BCORL1: variants seen among roughly 807,000 people sequenced by gnomAD.
BCORL1 encodes BCL6 corepressor like 1, also known as BCL-6 corepressor-like protein 1.
BCORL1 carries 7 observed loss-of-function variants against 87.6 expected under a neutral mutation model. The ratio of observed to expected loss-of-function variants is 0.08; its 90% CI spans 0.05 to 0.15. The LOEUF (loss-of-function observed/expected upper bound fraction) is 0.15, where lower values mean the gene tolerates loss of function less well. Ranked by LOEUF, BCORL1 falls within the 10% of genes least tolerant of loss-of-function variation. BCORL1 has a pLI of 1.00. For missense variants in BCORL1, 1,215 were observed against 1,499.7 expected (o/e 0.81, Z 3.13); for synonymous variants, 591 against 634.4 (o/e 0.93, Z 1.03).
chrX:129,997,467 C>T (rs1027609834), intron 1 of BCORL1, among the ~76,000 whole-genome samples: 1 of 111,123 alleles, frequency 9.0e-6, no homozygotes, highest in Non-Finnish European at 1.9e-5. Flanking sequence ...ACTACCCGCT[C>T]GCCCTCAGCT....
At chrX:129,990,476 C>T (rs1927041594) in intron 1 of BCORL1, among the ~76,000 whole-genome samples, 1 of 111,403 alleles carries the variant, frequency 9.0e-6, no homozygotes, top group African/African-American at 3.3e-5. Context: ...CGTGATCCGC[C>T]CGCCTTGGCC....
At chrX:130,044,895 C>T (rs1412140865) in intron 11 of BCORL1, among the ~76,000 whole-genome samples, 1 of 112,704 alleles carries the variant, frequency 8.9e-6, no homozygotes, top group East Asian at 2.8e-4. Context: ...ATAGATAATT[C>T]ATCTGGGTTG....
chrX:130,014,830 C>G lies in BCORL1; in HGVS notation c.2058C>G (p.Pro686=). The change falls in exon 4 of 14, where the codon CCC becomes CCG. Residue 686 remains proline (P), a synonymous_variant. Coordinates refer to ENST00000540052, the MANE Select transcript of BCORL1 (RefSeq NM_001379451.1). The stretch of plus-strand genomic sequence containing the variant: ...CCTGCCTGGGCTCCACTTCCTCGCC[C>G]TTTGTCATCTTTCCCGAGATCGTGA... The part of the protein sequence containing the change: ...VTSCLGSTSS[P]FVIFPEIVRN... The G allele has an allele frequency of 8.3e-7, 1 of 1,211,571 alleles. No homozygotes were observed. The highest frequency in any genetic ancestry group is 1.8e-5 in the South Asian group (1 of 56,972).
At chrX:130,050,817 C>G (rs1932029781) in intron 12 of BCORL1, 23 bp downstream of exon 12, 4 of 1,156,748 alleles carry the variant, frequency 3.5e-6, no homozygotes, top group Non-Finnish European at 4.7e-6. Flanking sequence ...TGAGATTCTT[C>G]CCACCCTTCT....
intron 1 of BCORL1, among the ~76,000 whole-genome samples, chrX:129,990,604 A>G (rs187850678): frequency 1.7e-4 from 19 of 111,280 alleles, no homozygotes; most frequent in Non-Finnish European, 3.0e-4. Flanking sequence ...TGGTGGCAGC[A>G]TGAAAACTAT....
At chrX:130,041,035 C>T (rs1309587632) in intron 11 of BCORL1, among the ~76,000 whole-genome samples, 1 of 110,160 alleles carries the variant, frequency 9.1e-6, no homozygotes, top group African/African-American at 3.3e-5. Flanking sequence ...TCTCCAAAAC[C>T]CCTAAGGAGT....
intron 5 of BCORL1, 84 bp from the exon 6 acceptor site, chrX:130,022,813 C>T (rs947672401): frequency 1.8e-5 from 15 of 828,404 alleles, no homozygotes; most frequent in East Asian, 9.4e-5. Context: ...ATCTTTCCCC[C>T]GAGCCTCACA....
At chrX:129,985,084 T>C (rs1926490721) in intron 1 of BCORL1, among the ~76,000 whole-genome samples, 1 of 111,315 alleles carries the variant, frequency 9.0e-6, no homozygotes, top group Admixed American at 9.6e-5. Flanking sequence ...ATTGCAAAAA[T>C]CTTCAGTAAG....
At chrX:130,027,441 C>T (rs1352519443) in intron 7 of BCORL1, among the ~76,000 whole-genome samples, 3 of 112,654 alleles carry the variant, frequency 2.7e-5, no homozygotes, top group Non-Finnish European at 3.8e-5. Flanking sequence ...CAGCCAACTC[C>T]TTGTGCTGAA....
At chrX:129,982,210 G>T (rs985543109), upstream of BCORL1, among the ~76,000 whole-genome samples, 15 of 110,637 alleles carry the variant, frequency 1.4e-4, no homozygotes, top group African/African-American at 4.9e-4. Context: ...GGTGGGGGGG[G>T]ACGTGGGGCT....
In BCORL1 at chrX:130,016,202, C is replaced by A; in HGVS notation, c.3430C>A (p.His1144Asn). 1 of 1,200,144 alleles carries A rather than the reference C, an allele frequency of 8.3e-7. No individual in the cohort carries two copies. Residue 1144 changes from histidine (H) to asparagine (N), a missense_variant, in exon 4 of 14, where the codon CAC becomes AAC. His to Asn is a moderately conservative substitution (Grantham distance 68). This residue lies in a region of BCORL1 where 861 missense variants were observed against 1,010.0 expected (regional missense o/e 0.85). Coordinates refer to ENST00000540052, the MANE Select transcript of BCORL1 (RefSeq NM_001379451.1). ...AGCCAAGGCCGTGGTCCGGAGTTCCCACAGACCCAAGGTGAGTGCTGAGCT... is the reference window on the plus strand; with the variant it reads ...AGCCAAGGCCGTGGTCCGGAGTTCCAACAGACCCAAGGTGAGTGCTGAGCT... ...PQAKAVVRSS[H>N]RPKCRKLPSD...
In BCORL1 at chrX:130,050,701, G is replaced by T. The variant is rs758248062; in HGVS notation, c.4841-16G>T. 8.3e-7 allele frequency: 1 copy of T among 1,205,957 alleles called. No individual in the cohort carries two copies. Among genetic ancestry groups the T allele is most frequent in the Admixed American group, 2.2e-5 (1 of 45,993 alleles). The stretch of plus-strand genomic sequence containing the variant: ...GCCTAACCTCCTTGTCTCACTGCCT[G>T]CTCTTCTTTCATCAGATCACCTCTC... On this transcript the variant is annotated splice_polypyrimidine_tract_variant and intron_variant, in intron 11 of 13. Coordinates refer to ENST00000540052, the MANE Select transcript of BCORL1 (RefSeq NM_001379451.1).
In BCORL1 at chrX:130,028,706, C is replaced by T. The variant is rs769998845; in HGVS notation, c.4150C>T (p.Leu1384Phe). The T allele has an allele frequency of 8.3e-7, 1 of 1,208,581 alleles. No homozygotes were observed. The highest frequency in any genetic ancestry group is 1.1e-6 in the Non-Finnish European group (1 of 894,958). Residue 1384 changes from leucine to phenylalanine, a missense_variant, in exon 8 of 14, where the codon CTC (leucine) becomes TTC (phenylalanine). This residue lies in a region of BCORL1 where 166 missense variants were observed against 196.5 expected (regional missense o/e 0.84). Coordinates refer to ENST00000540052, the MANE Select transcript of BCORL1 (RefSeq NM_001379451.1). ...LEHRLRNRNL[L>F]LPNKVQGISD... ...GCACCGCCTCAGGAACAGGAACCTT[C>T]TCTTGCCCAACAAAGTCCAGGGGAT...
At chrX:129,997,029 G>A (rs1372748885) in intron 1 of BCORL1, among the ~76,000 whole-genome samples, 1 of 111,162 alleles carries the variant, frequency 9.0e-6, no homozygotes, top group Non-Finnish European at 1.9e-5. Context: ...TTCCTCATAT[G>A]CATGATGACA....
At position 129,999,830 on chromosome X, in the gene BCORL1, C is replaced by T. The variant is rs779427567; in HGVS notation, c.-44-5358C>T. Reference sequence around the variant, plus strand: ...CTGAGATTACAGGTGCCTGCCACCACGCTCGGCTATTTTTTGTATTTTTAG... The same window carrying T: ...CTGAGATTACAGGTGCCTGCCACCATGCTCGGCTATTTTTTGTATTTTTAG... On this transcript the variant is annotated intron_variant, in intron 1 of 13. Transcript: ENST00000540052. 1.4e-4 allele frequency among the ~76,000 whole-genome samples: 15 copies of T among 109,766 alleles called. No homozygotes were observed. The East Asian group carries it at 1.7e-3, about 13-fold the overall frequency.
chrX:129,987,771 C>G (rs754323954), intron 1 of BCORL1, among the ~76,000 whole-genome samples: 6 of 111,843 alleles, frequency 5.4e-5, no homozygotes, highest in African/African-American at 1.9e-4. Context: ...TGGAGTAATT[C>G]ATTGATTCTG....
At chrX:129,993,115 T>G in intron 1 of BCORL1, among the ~76,000 whole-genome samples, 1 of 111,908 alleles carries the variant, frequency 8.9e-6, no homozygotes, top group Non-Finnish European at 1.9e-5. Flanking sequence ...ACTCAAAAAA[T>G]GACCCTAGAT....
At chrX:130,005,145 G>A (rs754984807) in intron 1 of BCORL1, 43 bp from the exon 2 acceptor site, 143 of 778,730 alleles carry the variant, frequency 1.8e-4, no homozygotes, top group Non-Finnish European at 2.4e-4. Flanking sequence ...TGAAGCAGCT[G>A]TCCCTGTTAC....
intron 6 of BCORL1, 37 bp from the exon 7 acceptor site, chrX:130,024,953 G>A: frequency 8.4e-7 from 1 of 1,188,963 alleles, no homozygotes; most frequent in African/African-American, 1.8e-5. Context: ...GTCCTTTGAA[G>A]AAGTACCTGA....
Sources: allele counts gnomAD v4.1 joint callset (sites outside exome capture counted in the v4.1 genomes callset), GRCh38; gene constraint gnomAD v4.1.1; regional missense constraint gnomAD v4.1.1; transcripts MANE v1.5; gene names NCBI Gene and HGNC (gene_info 2026-07-23, HGNC 2026-07-21).